Variants in RANGAP1 observed in about 807,000 individuals in gnomAD.
RANGAP1 encodes the protein Ran GTPase activating protein 1, also known as ran GTPase-activating protein 1.
Under a neutral mutation model 63.5 loss-of-function variants are expected in RANGAP1, and 38 were observed. The ratio of observed to expected loss-of-function variants is 0.60; its 90% CI spans 0.46 to 0.78. The LOEUF is 0.78. RANGAP1 is among the 30% of genes least tolerant of loss of function. The pLI, the probability that RANGAP1 is intolerant of heterozygous loss-of-function variation, is 0.00. For synonymous variants in RANGAP1, 329 were observed against 310.5 expected (o/e 1.06, Z -0.63); for missense variants, 630 against 740.3 (o/e 0.85, Z 1.73).
rs1469460930 is a variant in RANGAP1 at position 41,244,947 on chromosome 22, T to C, written c.*1656A>G. Among the ~76,000 whole-genome samples the C allele has an allele frequency of 6.6e-6, 1 of 152,122 alleles. No homozygotes were observed. Among genetic ancestry groups the C allele is most frequent in the Admixed American group, 6.6e-5 (1 of 15,264 alleles). ...CCCCTAGCCCTGGCAACCTCTACCT[T>C]CTTGTCTCTGAATTTGCTTATTCTA... On this transcript the variant is annotated 3_prime_UTR_variant, in exon 16 of 16. Coordinates refer to ENST00000356244, the MANE Select transcript of RANGAP1 (RefSeq NM_002883.4).
At chr22:41,301,007 CAAA>C in the RANGAP1 span, among the ~76,000 whole-genome samples, 2 of 152,082 alleles carry the variant, frequency 1.3e-5, no homozygotes, top group African/African-American at 4.8e-5. Flanking sequence ...TCCCTGACCG[CAAA>C]ACCCACTGCA....
intron 15 of RANGAP1, among the ~76,000 whole-genome samples, chr22:41,248,671 G>A (rs1403106265): frequency 5.3e-5 from 8 of 152,240 alleles, no homozygotes; most frequent in Admixed American, 4.6e-4. Flanking sequence ...GAAGGCCACA[G>A]GTTGGCCAGG....
At chr22:41,270,701 G>T (rs960227001) in intron 3 of RANGAP1, among the ~76,000 whole-genome samples, 2 of 152,124 alleles carry the variant, frequency 1.3e-5, no homozygotes, top group East Asian at 1.9e-4. Context: ...TGCTCCCACC[G>T]TACATACTAA....
At chr22:41,281,617 G>C in intron 1 of RANGAP1, 1 of 986,902 alleles carries the variant, frequency 1.0e-6, no homozygotes, top group Non-Finnish European at 1.2e-6. Context: ...TGCACGTCTG[G>C]TTTCAACCGT....
At chr22:41,269,538 T>C (rs1040540732) in intron 3 of RANGAP1, among the ~76,000 whole-genome samples, 1 of 150,882 alleles carries the variant, frequency 6.6e-6, no homozygotes, top group Non-Finnish European at 1.5e-5. Flanking sequence ...AGTTTGAGAG[T>C]AGCCTGGCCA....
In RANGAP1 at chr22:41,280,929, T is replaced by C. The variant is rs764393689; in HGVS notation, c.112+4A>G. On this transcript the variant is annotated splice_donor_region_variant and intron_variant, in intron 2 of 15. Transcript: ENST00000356244. ...ACACCAGTGCACAACTTCCAGAAAC[T>C]CACCATCTTCTGCAGTGTTGAGTTT... is the stretch of plus-strand genomic sequence containing the variant. 1 of 1,613,894 alleles carries C rather than the reference T, an allele frequency of 6.2e-7. No individual in the cohort carries two copies. The highest frequency in any genetic ancestry group is 1.1e-5 in the South Asian group (1 of 91,076).
At chr22:41,267,345 A>G (rs1205763980) in intron 4 of RANGAP1, among the ~76,000 whole-genome samples, 1 of 152,138 alleles carries the variant, frequency 6.6e-6, no homozygotes. Flanking sequence ...TCTTTAAAAA[A>G]AAATAAAAGG....
intron 13 of RANGAP1, 103 bp downstream of exon 13, chr22:41,250,904 T>C (rs944176653): frequency 1.1e-6 from 1 of 936,072 alleles, no homozygotes; most frequent in Admixed American, 2.1e-5. Context: ...GCAGTTCCCA[T>C]GAGAGCGCTG....
At chr22:41,246,721 T>C in intron 15 of RANGAP1, 49 bp from the exon 16 acceptor site, 1 of 1,471,236 alleles carries the variant, frequency 6.8e-7, no homozygotes, top group Non-Finnish European at 9.3e-7. Flanking sequence ...CTTGGCCTGT[T>C]TTCCAAGTGT....
Position 41,254,409 on chromosome 22 carries a change from C to T in RANGAP1, c.1159G>A (p.Glu387Lys). Residue 387 changes from glutamate to lysine, a missense_variant, in exon 11 of 16, where the codon GAG (glutamate) becomes AAG (lysine). Physicochemically the swap from Glu to Lys is moderately conservative, Grantham distance 56. This residue lies in a region of RANGAP1 where 428 missense variants were observed against 465.5 expected (regional missense o/e 0.92). Coordinates refer to ENST00000356244, the MANE Select transcript of RANGAP1 (RefSeq NM_002883.4). Reference protein sequence around the residue: ...EEEEEEDEEEEEEEEEEEEEE... With the variant: ...EEEEEEDEEEKEEEEEEEEEE... ...TCCTCCTCCTCCTCCTCTTCTTCCT[C>T]CTCTTCCTCATCTTCCTCCTCCTCT... is the stretch of plus-strand genomic sequence containing the variant. 1 of 1,613,754 alleles carries T rather than the reference C, an allele frequency of 6.2e-7. No homozygotes were observed. The highest frequency in any genetic ancestry group is 1.1e-5 in the South Asian group (1 of 91,054).
chr22:41,288,018 C>A (rs2413641), upstream of RANGAP1, among the ~76,000 whole-genome samples: 1 of 152,072 alleles, frequency 6.6e-6, no homozygotes, highest in Admixed American at 6.6e-5. Context: ...AATTAATTAA[C>A]AGATCATGCC....
rs149966970 is a variant in RANGAP1, at chr22:41,284,172, G to A, written c.-39+1814C>T. ...TGAGGCAAGAGAATGGCATGAACCC[G>A]GTAGGTGGAGCTTGCAGTGAGCTGA... On this transcript the variant is annotated intron_variant, in intron 1 of 15. Transcript: ENST00000356244. Among the ~76,000 whole-genome samples, 521 of 152,144 alleles carry A rather than the reference G, an allele frequency of 3.4e-3. 4 individuals are homozygous for A. Among genetic ancestry groups the A allele is most frequent in the African/African-American group, 0.012 (494 of 41,478 alleles).
chr22:41,253,028 G>A (rs764701031), intron 11 of RANGAP1, 37 bp from the exon 12 acceptor site: 144 of 1,401,582 alleles, frequency 1.0e-4, no homozygotes, highest in Non-Finnish European at 1.3e-4. Context: ...GGAGAATTCC[G>A]GACCCCAGAC....
chr22:41,247,901 G>A (rs1406784493), intron 15 of RANGAP1, among the ~76,000 whole-genome samples: 1 of 152,220 alleles, frequency 6.6e-6, no homozygotes, highest in East Asian at 1.9e-4. Context: ...GACCCAGGGG[G>A]CAGACTGAGG....
chr22:41,300,246 A>G, the RANGAP1 span, among the ~76,000 whole-genome samples: 1 of 151,998 alleles, frequency 6.6e-6, no homozygotes, highest in Admixed American at 6.6e-5. Context: ...TTATTTCACC[A>G]GCAACCTGGG....
At chr22:41,263,799 G>A (rs747741018) in intron 5 of RANGAP1, among the ~76,000 whole-genome samples, 9 of 152,228 alleles carry the variant, frequency 5.9e-5, no homozygotes, top group East Asian at 3.9e-4. Context: ...ACGTCAGGCC[G>A]AGGGACACAG....
chr22:41,268,005 T>C, intron 4 of RANGAP1, 92 bp downstream of exon 4: 1 of 1,340,212 alleles, frequency 7.5e-7, no homozygotes, highest in Middle Eastern at 2.1e-4. Context: ...GGGCTAATCT[T>C]AGGCTCCAGA....
intron 10 of RANGAP1, among the ~76,000 whole-genome samples, chr22:41,255,343 G>A (rs115364535): frequency 0.016 from 2,414 of 152,230 alleles, 60 homozygotes; most frequent in African/African-American, 0.056. Context: ...GAATGAGGCC[G>A]ACTTGGAGAT....
chr22:41,269,234 C>T (rs1364856781), intron 3 of RANGAP1, among the ~76,000 whole-genome samples: 1 of 152,090 alleles, frequency 6.6e-6, no homozygotes, highest in Non-Finnish European at 1.5e-5. Context: ...CATGTGACAC[C>T]ACTCCTGGTA....
Sources: gnomAD v4.1 joint callset for allele counts (sites outside exome capture counted in the v4.1 genomes callset) on GRCh38, gnomAD v4.1.1 for gene constraint, gnomAD v4.1.1 regional missense constraint, MANE v1.5 for transcripts, NCBI Gene and HGNC (gene_info 2026-07-23, HGNC 2026-07-21) for gene names.